Variants in SORCS3 observed in about 807,000 individuals in gnomAD.
The protein encoded by SORCS3 is sortilin related VPS10 domain containing receptor 3.
SORCS3 carries 57 observed loss-of-function variants against 146.3 expected under a neutral mutation model. The ratio of observed to expected loss-of-function variants is 0.39; its 90% CI spans 0.31 to 0.49. The LOEUF (loss-of-function observed/expected upper bound fraction) is 0.49, where lower values mean the gene tolerates loss of function less well. SORCS3 is among the 20% of genes least tolerant of loss of function. The pLI is 0.92. For synonymous variants in SORCS3, 653 were observed against 618.5 expected (o/e 1.06, Z -0.83); for missense variants, 1,341 against 1,575.5 (o/e 0.85, Z 2.52).
Position 105,217,030 on chromosome 10 carries a change from A to G in SORCS3, c.2642A>G (p.His881Arg). 6.2e-7 allele frequency: 1 copy of G among 1,614,198 alleles called. No homozygotes were observed. Reference sequence around the variant, plus strand: ...AGCCCCATCGAGGACGGCATCAAGCACGTGTATAAGAGTGCGGGGATCTTC... The same window carrying G: ...AGCCCCATCGAGGACGGCATCAAGCGCGTGTATAAGAGTGCGGGGATCTTC... ...NFSPIEDGIK[H>R]VYKSAGIFQV... The change falls in exon 19 of 27, where the codon CAC becomes CGC. Residue 881 changes from histidine (H) to arginine (R), a missense_variant. Transcript: ENST00000369701.
At chr10:104,898,859 T>G (rs2018824263) in intron 2 of SORCS3, among the ~76,000 whole-genome samples, 1 of 152,216 alleles carries the variant, frequency 6.6e-6, no homozygotes, top group Non-Finnish European at 1.5e-5. Flanking sequence ...TGGCTCATAT[T>G]GGGCTATGAT....
intron 1 of SORCS3, among the ~76,000 whole-genome samples, chr10:104,648,365 C>T (rs2015519052): frequency 6.6e-6 from 1 of 152,104 alleles, no homozygotes; most frequent in South Asian, 2.1e-4. Context: ...TTTCTCCTTT[C>T]TTCTCAGGTT....
chr10:105,112,284 G>A (rs1293421150), intron 7 of SORCS3, among the ~76,000 whole-genome samples: 2 of 152,048 alleles, frequency 1.3e-5, no homozygotes, highest in African/African-American at 4.8e-5. Context: ...ATGATTTTCT[G>A]AAACCAGTGT....
chr10:104,756,720 C>T (rs952946272), intron 1 of SORCS3, among the ~76,000 whole-genome samples: 4 of 152,158 alleles, frequency 2.6e-5, no homozygotes, highest in Non-Finnish European at 4.4e-5. Flanking sequence ...CAGATGGCAC[C>T]GATCCTCAGA....
intron 3 of SORCS3, among the ~76,000 whole-genome samples, chr10:104,974,202 C>A (rs953258974): frequency 6.6e-6 from 1 of 152,098 alleles, no homozygotes; most frequent in Admixed American, 6.6e-5. Flanking sequence ...CTGTAGATGT[C>A]TATTAGGTCT....
Position 105,043,047 on chromosome 10 carries a change from T to TTTTGCAGCTC in SORCS3, c.955-6_958dup, listed in dbSNP as rs773050944. 1 of 1,613,146 alleles carries TTTTGCAGCTC rather than the reference T, an allele frequency of 6.2e-7. No homozygotes were observed. The highest frequency in any genetic ancestry group is 8.5e-7 in the Non-Finnish European group (1 of 1,179,338). On this transcript the variant is annotated splice_region_variant and splice_polypyrimidine_tract_variant and intron_variant, in intron 4 of 26. Coordinates refer to ENST00000369701, the MANE Select transcript of SORCS3 (RefSeq NM_014978.3). ...TGAGACTTACATTCTCACTTCATTG[T>TTTTGCAGCTC]TTTGCAGCTCTACAGCTCCATGGAC...
chr10:105,079,774 C>T (rs1356835103), intron 5 of SORCS3, among the ~76,000 whole-genome samples: 1 of 152,050 alleles, frequency 6.6e-6, no homozygotes, highest in Admixed American at 6.5e-5. Context: ...CTCTTTGTGT[C>T]ATTTAGCTCC....
At position 104,641,977 on chromosome 10, in the gene SORCS3, GTCCGCCTGTTTCCTGACACC is replaced by G; in HGVS notation, c.627+24_627+43del. 7.5e-7 allele frequency: 1 copy of G among 1,334,512 alleles called. No individual in the cohort carries two copies. Among genetic ancestry groups the G allele is most frequent in the Non-Finnish European group, 9.8e-7 (1 of 1,020,276 alleles). The allele number at this position is 1,334,512 out of a possible 1,614,324, so 82.7% of individuals were successfully genotyped here. A position where few individuals can be genotyped will look rare whatever the true frequency, so the allele number is the denominator to read the frequency against. On this transcript the variant is annotated intron_variant, in intron 1 of 26. Transcript: ENST00000369701. The surrounding 1 kb of genome is among the most constrained non-coding windows in gnomAD (Gnocchi z 6.4). ...AGCGTGAGTACCCACCCGGCGGCGG[GTCCGCCTGTTTCCTGACACC>G]GAAGGGGAATGGGGGGGTGGGTGGG... is the stretch of plus-strand genomic sequence containing the variant.
intron 1 of SORCS3, among the ~76,000 whole-genome samples, chr10:104,785,923 C>A (rs1030591804): frequency 6.6e-6 from 1 of 152,158 alleles, no homozygotes; most frequent in Non-Finnish European, 1.5e-5. Flanking sequence ...AGAGAGGTAG[C>A]GCATGGACCT....
chr10:105,172,336 TA>T (rs1225972843), intron 13 of SORCS3, among the ~76,000 whole-genome samples: 1 of 152,230 alleles, frequency 6.6e-6, no homozygotes, highest in Non-Finnish European at 1.5e-5. Context: ...AGCGTTAGAA[TA>T]GGGGTTGGGA....
intron 1 of SORCS3, among the ~76,000 whole-genome samples, chr10:104,719,369 G>T (rs2016517123): frequency 6.6e-6 from 1 of 152,138 alleles, no homozygotes; most frequent in Admixed American, 6.6e-5. Context: ...TGGTTGCAGG[G>T]GTATAGGTTT....
chr10:105,177,957 A>G lies in SORCS3; in HGVS notation c.1902-109A>G, dbSNP rs948772236. 1.9e-5 allele frequency: 14 copies of G among 744,936 alleles called. No homozygotes were observed. The Admixed American group carries it at 3.1e-4, about 17-fold the overall frequency. 46.1% of individuals were successfully genotyped at this position (744,936 alleles called of 1,614,324 possible). A position where few individuals can be genotyped will look rare whatever the true frequency, so the allele number is the denominator to read the frequency against. On this transcript the variant is annotated intron_variant, in intron 13 of 26. Transcript: ENST00000369701. Reference sequence around the variant, plus strand: ...AGATTAAAACCTATTGATAATCCACACTGCCAGAAAGCAAGATACAGAGGA... The same window carrying G: ...AGATTAAAACCTATTGATAATCCACGCTGCCAGAAAGCAAGATACAGAGGA...
chr10:105,020,560 A>T (rs369841491), intron 4 of SORCS3, among the ~76,000 whole-genome samples: 2 of 152,354 alleles, frequency 1.3e-5, no homozygotes, highest in South Asian at 4.1e-4. Context: ...ATTAGAGAGC[A>T]CATATTCTGC....
At chr10:104,695,591 A>C (rs1412041595) in intron 1 of SORCS3, among the ~76,000 whole-genome samples, 1 of 151,940 alleles carries the variant, frequency 6.6e-6, no homozygotes, top group Non-Finnish European at 1.5e-5. Context: ...CCACCCTCAC[A>C]AGTTTAGTCC....
chr10:104,778,058 A>C (rs1267693200), intron 1 of SORCS3, among the ~76,000 whole-genome samples: 2 of 152,174 alleles, frequency 1.3e-5, no homozygotes, highest in East Asian at 3.8e-4. Flanking sequence ...TTTGTACAAC[A>C]GGGAAATTAT....
intron 2 of SORCS3, among the ~76,000 whole-genome samples, chr10:104,872,094 C>A (rs1042049332): frequency 3.9e-5 from 6 of 152,166 alleles, no homozygotes; most frequent in African/African-American, 1.4e-4. Flanking sequence ...CCTCTGTCAA[C>A]CAAATCCTAC....
chr10:105,204,800 A>G (rs1185117116), intron 16 of SORCS3, among the ~76,000 whole-genome samples: 2 of 151,976 alleles, frequency 1.3e-5, no homozygotes, highest in Non-Finnish European at 2.9e-5. Context: ...ATTTACAGTG[A>G]TTTTTGGGGG....
At chr10:104,745,434 C>A (rs2016896197) in intron 1 of SORCS3, among the ~76,000 whole-genome samples, 1 of 152,162 alleles carries the variant, frequency 6.6e-6, no homozygotes, top group South Asian at 2.1e-4. Context: ...AAAAGCGGTA[C>A]ATATTTTAAG....
At chr10:104,818,488 C>T (rs1226470839) in intron 1 of SORCS3, among the ~76,000 whole-genome samples, 7 of 151,294 alleles carry the variant, frequency 4.6e-5, no homozygotes, top group South Asian at 2.1e-4. Context: ...CAGGTAGACT[C>T]GGGGAGAGGT....
Sources: gnomAD v4.1 joint callset for allele counts (sites outside exome capture counted in the v4.1 genomes callset) on GRCh38, gnomAD v4.1.1 for gene constraint, Gnocchi (gnomAD v3.1) non-coding constraint, MANE v1.5 for transcripts, NCBI Gene and HGNC (gene_info 2026-07-23, HGNC 2026-07-21) for gene names.